RBFOX1: variants seen among roughly 807,000 people sequenced by gnomAD.
RBFOX1 encodes RNA binding fox-1 homolog 1.
Under a neutral mutation model 57.7 loss-of-function variants are expected in RBFOX1, and 8 were observed. That is an observed-to-expected ratio of 0.14 (90% confidence interval 0.08 to 0.25). RBFOX1 has a LOEUF of 0.25. Ranked by LOEUF, RBFOX1 falls within the 10% of genes least tolerant of loss-of-function variation. The pLI is 1.00. For synonymous variants in RBFOX1, 326 were observed against 222.4 expected (o/e 1.47, Z -4.15); for missense variants, 611 against 548.5 (o/e 1.11, Z -1.14).
At chr16:7,555,097 G>A (rs1311984594) in intron 5 of RBFOX1, among the ~76,000 whole-genome samples, 1 of 152,096 alleles carries the variant, frequency 6.6e-6, no homozygotes, top group Admixed American at 6.6e-5. Flanking sequence ...TAGGGTAAGG[G>A]GGGGTTTTTA....
intron 4 of RBFOX1, among the ~76,000 whole-genome samples, chr16:7,357,905 C>T (rs530096636): frequency 6.6e-6 from 1 of 151,988 alleles, no homozygotes; most frequent in Non-Finnish European, 1.5e-5. Context: ...TAATTTTTTT[C>T]CTCTCTGAGG....
At chr16:7,217,482 C>A (rs1220095052) in intron 4 of RBFOX1, among the ~76,000 whole-genome samples, 1 of 151,880 alleles carries the variant, frequency 6.6e-6, no homozygotes, top group Non-Finnish European at 1.5e-5. Context: ...TATTTGGAAG[C>A]TTTGTTCCTG....
chr16:7,121,086 A>C (rs902276210), intron 4 of RBFOX1, among the ~76,000 whole-genome samples: 1 of 151,978 alleles, frequency 6.6e-6, no homozygotes, highest in Non-Finnish European at 1.5e-5. Flanking sequence ...AAAACTCTCA[A>C]CTAACTAGAA....
At chr16:5,277,764 G>A (rs1301849960) in intron 1 of RBFOX1, among the ~76,000 whole-genome samples, 3 of 152,142 alleles carry the variant, frequency 2.0e-5, no homozygotes, top group Non-Finnish European at 2.9e-5. Context: ...TTCTTTCTGT[G>A]CATGGCCTAG....
At chr16:5,806,563 A>G (rs767888864) in intron 3 of RBFOX1, among the ~76,000 whole-genome samples, 1 of 152,202 alleles carries the variant, frequency 6.6e-6, no homozygotes, top group Non-Finnish European at 1.5e-5. Flanking sequence ...TGGAGGGAGC[A>G]CCAGAGTTCC....
chr16:5,455,773 C>T (rs962527249), intron 1 of RBFOX1, among the ~76,000 whole-genome samples: 3 of 152,068 alleles, frequency 2.0e-5, no homozygotes, highest in African/African-American at 7.2e-5. Context: ...CAATACTGAC[C>T]AAGAAGTGAA....
intron 1 of RBFOX1, among the ~76,000 whole-genome samples, chr16:5,293,313 C>T (rs2063579679): frequency 6.6e-6 from 1 of 152,122 alleles, no homozygotes; most frequent in African/African-American, 2.4e-5. Context: ...TAAAATCGGT[C>T]ACGCTGTGTT....
intron 3 of RBFOX1, among the ~76,000 whole-genome samples, chr16:7,029,087 C>T (rs774162397): frequency 0.32 from 5,781 of 18,002 alleles, 878 homozygotes; most frequent in Non-Finnish European, 0.37. Context: ...TATATACACA[C>T]ACACACACAC....
intron 4 of RBFOX1, among the ~76,000 whole-genome samples, chr16:7,372,523 C>G (rs952842902): frequency 6.6e-6 from 1 of 152,150 alleles, no homozygotes; most frequent in African/African-American, 2.4e-5. Context: ...TCTGCCAACC[C>G]TGATTGATTA....
chr16:6,074,598 G>A (rs768198189), intron 1 of RBFOX1, among the ~76,000 whole-genome samples: 12 of 152,172 alleles, frequency 7.9e-5, no homozygotes, highest in South Asian at 2.1e-4. Flanking sequence ...GTCTTGCAGT[G>A]GGGGAGAAAG....
intron 4 of RBFOX1, among the ~76,000 whole-genome samples, chr16:7,138,802 C>G (rs374197284): frequency 6.6e-6 from 1 of 152,128 alleles, no homozygotes; most frequent in South Asian, 2.1e-4. Flanking sequence ...AGCTCTGCTG[C>G]TGGATAAACT....
At chr16:7,531,419 C>G (rs2080044266) in intron 5 of RBFOX1, among the ~76,000 whole-genome samples, 1 of 152,122 alleles carries the variant, frequency 6.6e-6, no homozygotes, top group African/African-American at 2.4e-5. Context: ...TTTACAGCAT[C>G]CAGAAGAGGC....
At chr16:6,824,098 G>C (rs2091772631) in intron 3 of RBFOX1, among the ~76,000 whole-genome samples, 1 of 152,198 alleles carries the variant, frequency 6.6e-6, no homozygotes, top group African/African-American at 2.4e-5. Context: ...GTGAAGAGGA[G>C]TTTCCAGAAT....
intron 1 of RBFOX1, chr16:5,366,510 T>C: frequency 2.3e-6 from 1 of 432,652 alleles, no homozygotes; most frequent in East Asian, 5.8e-5. Flanking sequence ...AAAAAACTGC[T>C]AAAACACCGA....
intron 4 of RBFOX1, among the ~76,000 whole-genome samples, chr16:7,081,439 C>G (rs1003486615): frequency 2.6e-5 from 4 of 152,142 alleles, no homozygotes; most frequent in African/African-American, 9.7e-5. Flanking sequence ...TTGGCCACTC[C>G]TCATGGGGGA....
intron 3 of RBFOX1, among the ~76,000 whole-genome samples, chr16:5,827,402 G>GA (rs374545272): frequency 0.17 from 16,725 of 100,294 alleles, 3,292 homozygotes; most frequent in African/African-American, 0.47. Flanking sequence ...TCCATCTCAG[G>GA]GAAAAAAAAA....
At chr16:7,132,634 G>C (rs1052921928) in intron 4 of RBFOX1, among the ~76,000 whole-genome samples, 9 of 151,876 alleles carry the variant, frequency 5.9e-5, no homozygotes, top group African/African-American at 2.2e-4. Flanking sequence ...ACACACAATG[G>C]AATAGTATTC....
intron 3 of RBFOX1, among the ~76,000 whole-genome samples, chr16:5,661,326 C>T (rs891135090): frequency 1.3e-5 from 2 of 152,194 alleles, no homozygotes; most frequent in African/African-American, 4.8e-5. Flanking sequence ...GCTTTACCTA[C>T]ATTTGTGTAT....
At chr16:6,296,852 C>A (rs184777561) in intron 1 of RBFOX1, among the ~76,000 whole-genome samples, 42 of 152,230 alleles carry the variant, frequency 2.8e-4, no homozygotes, top group Non-Finnish European at 2.9e-5. Context: ...AGAGAGGGTT[C>A]TTGGATCTTG....
Sources: allele counts gnomAD v4.1 joint callset (sites outside exome capture counted in the v4.1 genomes callset), GRCh38; gene constraint gnomAD v4.1.1; transcripts MANE v1.5; gene names NCBI Gene and HGNC (gene_info 2026-07-23, HGNC 2026-07-21).